The following TPH2 variants were observed in gnomAD, a reference collection of about 807,000 sequenced individuals.
The protein encoded by TPH2 is tryptophan hydroxylase 2, also known as tryptophan 5-hydroxylase 2.
In TPH2, 27 loss-of-function variants were observed where a neutral mutation model predicts 59.1. That is an observed-to-expected ratio of 0.46 (90% confidence interval 0.34 to 0.63). The LOEUF (loss-of-function observed/expected upper bound fraction) is 0.63. Ranked by LOEUF, TPH2 falls within the 30% of genes least tolerant of loss-of-function variation. The probability of loss-of-function intolerance (pLI) is 0.01; values close to 1 mark genes in which losing one functional copy is unlikely to be tolerated. For synonymous variants in TPH2, 220 were observed against 210.5 expected (o/e 1.05, Z -0.39); for missense variants, 523 against 588.3 (o/e 0.89, Z 1.15).
intron 7 of TPH2, among the ~76,000 whole-genome samples, chr12:71,987,713 G>T (rs1485916850): frequency 2.0e-5 from 3 of 152,220 alleles, no homozygotes; most frequent in Non-Finnish European, 2.9e-5. Flanking sequence ...TTAGCCAGGG[G>T]TGGTGGCGGG....
intron 7 of TPH2, among the ~76,000 whole-genome samples, chr12:71,982,013 G>GTTTTTTTTTTTTTTTTTTT (rs1468983565): frequency 1.6e-4 from 9 of 55,704 alleles, no homozygotes; most frequent in African/African-American, 4.6e-4. Context: ...CATATCATTC[G>GTTTTTTTTTTTTTTTTTTT]TATTTTTTTT....
At chr12:72,015,850 G>T (rs1873234488) in intron 8 of TPH2, among the ~76,000 whole-genome samples, 1 of 152,102 alleles carries the variant, frequency 6.6e-6, no homozygotes, top group African/African-American at 2.4e-5. Context: ...GGGTGCGGGG[G>T]ATGAAACCTA....
At chr12:71,979,972 AG>A (rs1872229654) in intron 7 of TPH2, among the ~76,000 whole-genome samples, 3 of 152,196 alleles carry the variant, frequency 2.0e-5, no homozygotes, top group Non-Finnish European at 4.4e-5. Context: ...ACAGACAGAC[AG>A]ACAGGGAATA....
intron 8 of TPH2, among the ~76,000 whole-genome samples, chr12:71,997,488 T>C (rs1872723029): frequency 6.6e-6 from 1 of 152,172 alleles, no homozygotes; most frequent in African/African-American, 2.4e-5. Context: ...GCCAACAAAT[T>C]TGTAGGATGA....
intron 2 of TPH2, among the ~76,000 whole-genome samples, chr12:71,942,957 A>T (rs1871113027): frequency 6.6e-6 from 1 of 152,120 alleles, no homozygotes; most frequent in Non-Finnish European, 1.5e-5. Flanking sequence ...AGCAGCCCTG[A>T]GTTTTCACTC....
At chr12:71,962,191 T>C (rs1871705362) in intron 5 of TPH2, 1 of 985,944 alleles carries the variant, frequency 1.0e-6, no homozygotes, top group Non-Finnish European at 1.2e-6. Flanking sequence ...ATGACTTGAA[T>C]GTTTTGAAAT....
chr12:71,992,943 T>C (rs1287841508), intron 7 of TPH2, among the ~76,000 whole-genome samples: 1 of 152,244 alleles, frequency 6.6e-6, no homozygotes, highest in Non-Finnish European at 1.5e-5. Flanking sequence ...AGCAATGTGA[T>C]TGAAGAATAA....
In TPH2 at chr12:72,031,998, T is replaced by C; in HGVS notation, c.*303T>C. ...AGTTAAAATTTGTAACAAATAGCCC[T>C]CTTATGAGTCTCATTTATGCCCTTT... On this transcript the variant is annotated 3_prime_UTR_variant, in exon 11 of 11. Transcript: ENST00000333850. 2.6e-6 allele frequency: 1 copy of C among 391,734 alleles called. No homozygotes were observed. Among genetic ancestry groups the C allele is most frequent in the Non-Finnish European group, 4.8e-6 (1 of 207,730 alleles). 24.3% of individuals were successfully genotyped at this position (391,734 alleles called of 1,614,324 possible).
At chr12:71,973,382 T>C (rs942468526) in intron 6 of TPH2, among the ~76,000 whole-genome samples, 15 of 152,290 alleles carry the variant, frequency 9.8e-5, no homozygotes, top group Admixed American at 7.2e-4. Flanking sequence ...CTGGTCATTC[T>C]CACTCCTCGT....
intron 5 of TPH2, chr12:71,964,627 C>T: frequency 1.0e-6 from 1 of 985,258 alleles, no homozygotes; most frequent in Non-Finnish European, 1.2e-6. Flanking sequence ...GTGGTACCAA[C>T]TAATATAGTA....
At chr12:72,024,913 C>A (rs888835622) in intron 9 of TPH2, among the ~76,000 whole-genome samples, 1 of 152,152 alleles carries the variant, frequency 6.6e-6, no homozygotes, top group African/African-American at 2.4e-5. Flanking sequence ...TACCTCAACA[C>A]CCCTAAGATT....
chr12:71,968,077 T>C (rs553066004), intron 5 of TPH2, among the ~76,000 whole-genome samples: 5 of 152,292 alleles, frequency 3.3e-5, no homozygotes, highest in African/African-American at 1.2e-4. Flanking sequence ...CCCTTTTACA[T>C]GCTTGCTGGA....
chr12:71,948,164 T>TA (rs201125012), intron 4 of TPH2, among the ~76,000 whole-genome samples: 1 of 151,580 alleles, frequency 6.6e-6, no homozygotes, highest in Admixed American at 6.6e-5. Flanking sequence ...TTTATTTTAT[T>TA]TTATTATTAT....
intron 9 of TPH2, among the ~76,000 whole-genome samples, chr12:72,026,783 C>T (rs541732288): frequency 6.6e-6 from 1 of 152,216 alleles, no homozygotes; most frequent in Non-Finnish European, 1.5e-5. Flanking sequence ...ATTGGTGAAG[C>T]CTAATCGCTA....
rs1266371421 is a variant in TPH2 at position 71,941,707 on chromosome 12, T to C, written c.229T>C (p.Leu77=). 3 of 1,613,928 alleles carry C rather than the reference T, an allele frequency of 1.9e-6. No homozygotes were observed. Among genetic ancestry groups the C allele is most frequent in the Non-Finnish European group, 2.5e-6 (3 of 1,179,940 alleles). The part of the protein sequence containing the change: ...VFSLKNEVGG[L]VKALRLFQEK... ...CTCCTTGAAGAATGAAGTTGGTGGA[T>C]TGGTAAAAGCACTGAGGCTCTTTCA... The change falls in exon 2 of 11, where the codon TTG becomes CTG. Residue 77 remains leucine, a synonymous_variant. Transcript: ENST00000333850.
At position 71,949,672 on chromosome 12, in the gene TPH2, CTCTT is replaced by C. The variant is rs752492446; in HGVS notation, c.608+22_608+25del. On this transcript the variant is annotated intron_variant, in intron 5 of 10. Transcript: ENST00000333850. ...TTATAAATAGTAAGTACCTGTATAA[CTCTT>C]TCTTGTCACTGGCTAGTTAGGAAAA... 6.4e-5 allele frequency: 103 copies of C among 1,602,300 alleles called. No individual in the cohort carries two copies. Among genetic ancestry groups the C allele is most frequent in the Admixed American group, 6.3e-4 (38 of 59,968 alleles).
intron 7 of TPH2, among the ~76,000 whole-genome samples, chr12:71,988,714 A>G (rs1826622903): frequency 6.6e-6 from 1 of 152,160 alleles, no homozygotes; most frequent in South Asian, 2.1e-4. Flanking sequence ...TCTAAGCTAT[A>G]TCAGTAGGGA....
At chr12:71,986,630 C>CTT (rs36018735) in intron 7 of TPH2, among the ~76,000 whole-genome samples, 8,573 of 131,346 alleles carry the variant, frequency 0.065, 504 homozygotes, top group South Asian at 0.16. Flanking sequence ...AGCCACCCTT[C>CTT]TTTTTTTTTT....
At chr12:71,992,190 T>G (rs528846730) in intron 7 of TPH2, among the ~76,000 whole-genome samples, 24 of 152,244 alleles carry the variant, frequency 1.6e-4, no homozygotes, top group Non-Finnish European at 2.9e-4. Context: ...CTAAGCTATG[T>G]ACGCCCCAGC....
Sources: allele counts gnomAD v4.1 joint callset (sites outside exome capture counted in the v4.1 genomes callset), GRCh38; gene constraint gnomAD v4.1.1; transcripts MANE v1.5; gene names NCBI Gene and HGNC (gene_info 2026-07-23, HGNC 2026-07-21).